Variants in SFSWAP observed in about 807,000 individuals in gnomAD.
The protein encoded by SFSWAP is splicing factor SWAP.
In SFSWAP, 17 loss-of-function variants were observed where a neutral mutation model predicts 100.7. That is an observed-to-expected ratio of 0.17 (90% CI 0.12 to 0.25). SFSWAP has a LOEUF of 0.25. SFSWAP is among the 10% of genes least tolerant of loss of function. The probability of loss-of-function intolerance (pLI) is 1.00; values close to 1 mark genes in which losing one functional copy is unlikely to be tolerated. For synonymous variants in SFSWAP, 504 were observed against 510.1 expected, an observed-to-expected ratio of 0.99 and a Z score of 0.16; for missense variants, 1,005 against 1,262.6, an observed-to-expected ratio of 0.80 and a Z score of 3.09.
chr12:131,779,984 C>T (rs1175898393), intron 14 of SFSWAP, among the ~76,000 whole-genome samples: 2 of 152,184 alleles, frequency 1.3e-5, no homozygotes, highest in Admixed American at 6.5e-5. Context: ...TTGGGTTTCA[C>T]CATGTTGGCC....
In SFSWAP at chr12:131,711,216, C is replaced by T. The variant is rs1165447606; in HGVS notation, c.-14C>T. The T allele has an allele frequency of 6.3e-7, 1 of 1,578,706 alleles. No homozygotes were observed. Among genetic ancestry groups the T allele is most frequent in the East Asian group, 2.3e-5 (1 of 43,562 alleles). On this transcript the variant is annotated 5_prime_UTR_variant, in exon 1 of 18. Coordinates refer to ENST00000261674, the MANE Select transcript of SFSWAP (RefSeq NM_004592.4). The surrounding 1 kb of genome is among the most constrained non-coding windows in gnomAD (Gnocchi z 4.9). ...GCACAGAAGAGGACCAGCCTGGACG[C>T]CGGGGACGCTGTCATGTACGGCGCG...
At position 131,730,850 on chromosome 12, in the gene SFSWAP, T is replaced by A. The variant is rs1300026788; in HGVS notation, c.1081+2422T>A. ...TCCCCTCAATACGGTGCCGTTGTTT[T>A]GAAACTCATCGTCTCCCCTCGACAC... On this transcript the variant is annotated intron_variant, in intron 7 of 17. Transcript: ENST00000261674. The surrounding 1 kb of genome is among the most constrained non-coding windows in gnomAD (Gnocchi z 4.0). 3.3e-5 allele frequency among the ~76,000 whole-genome samples: 5 copies of A among 152,174 alleles called. No individual in the cohort carries two copies. Among genetic ancestry groups the A allele is most frequent in the Non-Finnish European group, 7.4e-5 (5 of 68,016 alleles).
intron 13 of SFSWAP, among the ~76,000 whole-genome samples, chr12:131,770,085 T>C (rs185867386): frequency 1.8e-4 from 27 of 152,370 alleles, no homozygotes; most frequent in African/African-American, 6.3e-4. Flanking sequence ...ATACTTGTAA[T>C]TAAATTGGCA....
intron 14 of SFSWAP, chr12:131,784,356 C>A (rs193066228): frequency 3.9e-5 from 6 of 152,232 alleles, no homozygotes; most frequent in African/African-American, 1.4e-4. Context: ...AATTCCGTGA[C>A]AGAAAGGCCG....
intron 1 of SFSWAP, chr12:131,713,244 A>G (rs1475374907): frequency 6.6e-6 from 1 of 152,222 alleles, no homozygotes; most frequent in Non-Finnish European, 1.5e-5. Flanking sequence ...CGTTGACAGC[A>G]TCCTCATTGA....
At chr12:131,763,422 G>A (rs1295924102) in intron 11 of SFSWAP, among the ~76,000 whole-genome samples, 1 of 152,168 alleles carries the variant, frequency 6.6e-6, no homozygotes, top group Non-Finnish European at 1.5e-5. Context: ...ATTGCAACCA[G>A]TTAGCTCTTG....
rs1432188798 is a variant in SFSWAP at position 131,778,777 on chromosome 12, C to G, written c.2408+447C>G. Among the ~76,000 whole-genome samples the G allele has an allele frequency of 6.6e-6, 1 of 152,106 alleles. No homozygotes were observed. Among genetic ancestry groups the G allele is most frequent in the Non-Finnish European group, 1.5e-5 (1 of 68,024 alleles). ...AGGTAATCCACCCACCTTGGCCTCC[C>G]AGAGTGCTGGGATTACAGGCCTAAG... is the stretch of plus-strand genomic sequence containing the variant. On this transcript the variant is annotated intron_variant, in intron 14 of 17. Transcript: ENST00000261674. The surrounding 1 kb of genome is among the most constrained non-coding windows in gnomAD (Gnocchi z 4.2).
rs2136263786 is a variant in SFSWAP at position 131,781,914 on chromosome 12, G to T, written c.2408+3584G>T. Among the ~76,000 whole-genome samples the T allele has an allele frequency of 1.3e-5, 2 of 152,364 alleles. 1 individual carries two copies. The highest frequency in any genetic ancestry group is 4.1e-4 in the South Asian group (2 of 4,832). Reference sequence around the variant, plus strand: ...TATTATAAAACAAAACCTTCCAGGTGTTGGATTGTCTAGCAAGTTCTACCG... The same window carrying T: ...TATTATAAAACAAAACCTTCCAGGTTTTGGATTGTCTAGCAAGTTCTACCG... On this transcript the variant is annotated intron_variant, in intron 14 of 17. Coordinates refer to ENST00000261674, the MANE Select transcript of SFSWAP (RefSeq NM_004592.4).
chr12:131,776,786 A>G (rs937145516), intron 13 of SFSWAP, among the ~76,000 whole-genome samples: 1 of 152,240 alleles, frequency 6.6e-6, no homozygotes, highest in Non-Finnish European at 1.5e-5. Context: ...CACTGTGTCT[A>G]AAGGTGTGAA....
intron 7 of SFSWAP, among the ~76,000 whole-genome samples, chr12:131,737,427 C>G (rs1424336378): frequency 6.6e-6 from 1 of 152,230 alleles, no homozygotes; most frequent in East Asian, 1.9e-4. Context: ...ACTCGTCACC[C>G]TCTCAAAACA....
At chr12:131,740,169 G>T (rs570663085) in intron 7 of SFSWAP, among the ~76,000 whole-genome samples, 1 of 152,286 alleles carries the variant, frequency 6.6e-6, no homozygotes, top group African/African-American at 2.4e-5. Context: ...ACCTATTTGG[G>T]TTTGTTCATT....
rs1881846639 is a variant in SFSWAP, at chr12:131,753,352, C to T, written c.1311C>T (p.Thr437=). Residue 437 remains threonine (T), a synonymous_variant, in exon 8 of 18, where the codon ACC becomes ACT. Coordinates refer to ENST00000261674, the MANE Select transcript of SFSWAP (RefSeq NM_004592.4). ...CTAGCAGCGGGGCCACCTCCACAAC[C>T]ACCACCACAAGGTAGGTGCAGCGTC... ...AETSSGATST[T]TTTSALAPVA... is the part of the protein sequence containing the mutation. The T allele has an allele frequency of 6.2e-7, 1 of 1,612,990 alleles. No individual in the cohort carries two copies. The highest frequency in any genetic ancestry group is 1.7e-5 in the Admixed American group (1 of 59,984).
Position 131,742,593 on chromosome 12 carries a change from A to G in SFSWAP, c.1082-10530A>G, listed in dbSNP as rs558392205. Among the ~76,000 whole-genome samples, 3 of 151,880 alleles carry G rather than the reference A, an allele frequency of 2.0e-5. No individual in the cohort carries two copies. In the East Asian group the frequency reaches 5.8e-4, roughly 29 times the overall value. ...GAAATCATTCAGGTTTCCCTAATCC[A>G]ATTTGGTGATGTCAAAACAAGTCTT... On this transcript the variant is annotated intron_variant, in intron 7 of 17. Transcript: ENST00000261674.
chr12:131,741,428 G>T (rs1177299081), intron 7 of SFSWAP, among the ~76,000 whole-genome samples: 1 of 152,090 alleles, frequency 6.6e-6, no homozygotes, highest in African/African-American at 2.4e-5. Context: ...TTGAGCTCAG[G>T]AGGTCAAGAC....
At chr12:131,744,414 A>G (rs1158861022) in intron 7 of SFSWAP, among the ~76,000 whole-genome samples, 1 of 152,230 alleles carries the variant, frequency 6.6e-6, no homozygotes, top group Non-Finnish European at 1.5e-5. Flanking sequence ...ACAGATCTCT[A>G]GGGCAGGGGC....
At chr12:131,781,893 A>G (rs944035686) in intron 14 of SFSWAP, among the ~76,000 whole-genome samples, 3 of 152,246 alleles carry the variant, frequency 2.0e-5, no homozygotes, top group Non-Finnish European at 4.4e-5. Context: ...AAATAATATT[A>G]TAAAACAAAA....
chr12:131,711,236 G>C lies in SFSWAP; in HGVS notation c.7G>C (p.Gly3Arg), dbSNP rs771094297. Reference sequence around the variant, plus strand: ...GGACGCCGGGGACGCTGTCATGTACGGCGCGAGCGGGGGCCGCGCCAAACC... The same window carrying C: ...GGACGCCGGGGACGCTGTCATGTACCGCGCGAGCGGGGGCCGCGCCAAACC... MY[G>R]ASGGRAKPER... The change falls in exon 1 of 18, where the codon GGC becomes CGC. Residue 3 changes from glycine (G) to arginine (R), a missense_variant. By Grantham distance (125) the Gly-to-Arg change is moderately radical. This residue lies in a region of SFSWAP where 237 missense variants were observed against 337.0 expected (regional missense o/e 0.70). Coordinates refer to ENST00000261674, the MANE Select transcript of SFSWAP (RefSeq NM_004592.4). This position sits in a 1 kb window ranked among gnomAD's most constrained non-coding sequence, Gnocchi z 4.9. The C allele has an allele frequency of 5.0e-6, 8 of 1,601,142 alleles. No homozygotes were observed. Among genetic ancestry groups the C allele is most frequent in the African/African-American group, 1.3e-5 (1 of 74,732 alleles).
chr12:131,714,741 A>G lies in SFSWAP; in HGVS notation c.389-81A>G. ...AAAAAGTATGTTGTATGCTTTACTG[A>G]TAGCTACAACTTTAGAAATATATAA... is the stretch of plus-strand genomic sequence containing the variant. On this transcript the variant is annotated intron_variant, in intron 2 of 17. Coordinates refer to ENST00000261674, the MANE Select transcript of SFSWAP (RefSeq NM_004592.4). The surrounding 1 kb of genome is among the most constrained non-coding windows in gnomAD (Gnocchi z 6.0). The G allele has an allele frequency of 1.5e-6, 2 of 1,338,170 alleles. No individual in the cohort carries two copies. Among genetic ancestry groups the G allele is most frequent in the Non-Finnish European group, 2.1e-6 (2 of 951,820 alleles). 82.9% of individuals were successfully genotyped at this position (1,338,170 alleles called of 1,614,324 possible). A position where few individuals can be genotyped will look rare whatever the true frequency, so the allele number is the denominator to read the frequency against.
chr12:131,718,508 C>T (rs545627146), intron 3 of SFSWAP, among the ~76,000 whole-genome samples: 53 of 152,212 alleles, frequency 3.5e-4, no homozygotes, highest in Admixed American at 2.7e-3. Flanking sequence ...ATGTGTAGTA[C>T]GTTGTCTACC....
Sources: gnomAD v4.1 joint callset for allele counts (sites outside exome capture counted in the v4.1 genomes callset) on GRCh38, gnomAD v4.1.1 for gene constraint, gnomAD v4.1.1 regional missense constraint, Gnocchi (gnomAD v3.1) non-coding constraint, MANE v1.5 for transcripts, NCBI Gene and HGNC (gene_info 2026-07-23, HGNC 2026-07-21) for gene names.